Variants in SMC6 observed in about 807,000 individuals in gnomAD.
SMC6 encodes the protein structural maintenance of chromosomes 6.
Under a neutral mutation model 142.2 loss-of-function variants are expected in SMC6, and 79 were observed. The observed-to-expected ratio is 0.56, with a 90% CI of 0.46 to 0.67. The LOEUF (loss-of-function observed/expected upper bound fraction) is 0.67, where lower values mean the gene tolerates loss of function less well. SMC6 is among the 30% of genes least tolerant of loss of function. The pLI, the probability that SMC6 is intolerant of heterozygous loss-of-function variation, is 0.00. For synonymous variants in SMC6, 411 were observed against 412.4 expected (o/e 1.00, Z 0.04); for missense variants, 1,072 against 1,284.0 (o/e 0.83, Z 2.52).
At chr2:17,691,259 C>A (rs1667702490) in intron 23 of SMC6, among the ~76,000 whole-genome samples, 2 of 139,070 alleles carry the variant, frequency 1.4e-5, no homozygotes, top group Admixed American at 1.4e-4. Context: ...CACACACACA[C>A]ACCAGAATAC....
chr2:17,666,298 G>C, intron 27 of SMC6, 122 bp downstream of exon 27: 1 of 655,850 alleles, frequency 1.5e-6, no homozygotes, highest in South Asian at 2.2e-5. Context: ...GAACCAGTAG[G>C]GGAGCTAATT....
At chr2:17,685,887 T>C (rs1572264243) in intron 23 of SMC6, among the ~76,000 whole-genome samples, 1 of 151,958 alleles carries the variant, frequency 6.6e-6, no homozygotes, top group East Asian at 1.9e-4. Flanking sequence ...ATACTCCATA[T>C]ATATCTATAT....
chr2:17,729,702 T>A (rs1264211714), intron 7 of SMC6, among the ~76,000 whole-genome samples: 2 of 152,226 alleles, frequency 1.3e-5, no homozygotes, highest in Non-Finnish European at 2.9e-5. Flanking sequence ...TAGTCTGAAA[T>A]TTATTTGCTG....
chr2:17,721,162 G>A lies in SMC6; in HGVS notation c.826C>T (p.His276Tyr), dbSNP rs1237338507. 2.5e-6 allele frequency: 4 copies of A among 1,611,016 alleles called. No individual in the cohort carries two copies. The highest frequency in any genetic ancestry group is 3.4e-6 in the Non-Finnish European group (4 of 1,179,192). The change falls in exon 10 of 28, where the codon CAT becomes TAT. Residue 276 changes from histidine (H) to tyrosine (Y), a missense_variant. His to Tyr is a moderately conservative substitution (Grantham distance 83). This residue lies in a region of SMC6 where 994 missense variants were observed against 1,153.2 expected (regional missense o/e 0.86). Transcript: ENST00000448223. ...ATTACCACTGCCCAAGCCATTTCAT[G>A]TTTCAAGGACTCTAAATTAGTCTTC... Reference protein sequence around the residue: ...TMKTNLESLKHEMAWAVVNEI... With the variant: ...TMKTNLESLKYEMAWAVVNEI...
At chr2:17,707,404 T>G in intron 17 of SMC6, 25 bp from the exon 18 acceptor site, 3 of 1,397,852 alleles carry the variant, frequency 2.1e-6, no homozygotes, top group Non-Finnish European at 1.9e-6. Flanking sequence ...GAAAATAAAT[T>G]TTTTAAGACG....
intron 21 of SMC6, among the ~76,000 whole-genome samples, chr2:17,699,656 G>C (rs982178027): frequency 6.6e-6 from 1 of 151,864 alleles, no homozygotes; most frequent in African/African-American, 2.4e-5. Flanking sequence ...TTTTTCTTTA[G>C]TTTATTTTTT....
chr2:17,738,468 T>A, intron 4 of SMC6, 142 bp from the exon 5 acceptor site: 1 of 522,902 alleles, frequency 1.9e-6, no homozygotes. Flanking sequence ...TTTCTTCCCG[T>A]GCAAAGCAAC....
chr2:17,738,989 G>A (rs944595713), intron 4 of SMC6, among the ~76,000 whole-genome samples: 3 of 148,196 alleles, frequency 2.0e-5, no homozygotes, highest in African/African-American at 7.8e-5. Context: ...AGCTCCATGT[G>A]GACAGGAATA....
chr2:17,717,062 T>A, intron 13 of SMC6, 26 bp downstream of exon 13: 1 of 1,596,612 alleles, frequency 6.3e-7, no homozygotes, highest in Non-Finnish European at 8.5e-7. Flanking sequence ...GGGATAGCCA[T>A]GAAAATTTCA....
intron 24 of SMC6, chr2:17,681,002 T>G (rs969044030): frequency 1.3e-5 from 2 of 152,356 alleles, no homozygotes; most frequent in African/African-American, 4.8e-5. Context: ...TTGTCTGTGT[T>G]GAAAATCCAT....
In SMC6 at chr2:17,695,233, A is replaced by G. The variant is rs1667934284; in HGVS notation, c.2597T>C (p.Ile866Thr). The G allele has an allele frequency of 6.2e-7, 1 of 1,613,514 alleles. No individual in the cohort carries two copies. The highest frequency in any genetic ancestry group is 8.5e-7 in the Non-Finnish European group (1 of 1,179,830). The change falls in exon 23 of 28, where the codon ATT becomes ACT. Residue 866 changes from isoleucine (I) to threonine (T), a missense_variant. Around this residue, in one of 3 missense-constraint regions of SMC6, gnomAD observed 994 missense variants for 1,153.2 expected, o/e 0.86. Transcript: ENST00000448223. ...TAATCGATTAATTTCTTTGTCCAGA[A>G]TTGATGCAGATTTTTCTACTTCTAT... ...ERIEVEKSAS[I>T]LDKEINRLRQ...
chr2:17,732,158 A>G (rs1470666114), intron 5 of SMC6, among the ~76,000 whole-genome samples: 1 of 152,174 alleles, frequency 6.6e-6, no homozygotes, highest in Non-Finnish European at 1.5e-5. Context: ...AAAAACCATT[A>G]AGTTTCGGTT....
At chr2:17,693,167 G>A (rs1667811932) in intron 23 of SMC6, among the ~76,000 whole-genome samples, 1 of 152,130 alleles carries the variant, frequency 6.6e-6, no homozygotes, top group Non-Finnish European at 1.5e-5. Flanking sequence ...AAGGGATCTA[G>A]AAATACCATT....
At chr2:17,710,607 G>T (rs1440976491) in intron 16 of SMC6, among the ~76,000 whole-genome samples, 1 of 152,094 alleles carries the variant, frequency 6.6e-6, no homozygotes, top group Non-Finnish European at 1.5e-5. Context: ...AGAGAATTAG[G>T]AAAATGAGAA....
At chr2:17,731,218 T>C in intron 6 of SMC6, 79 bp from the exon 7 acceptor site, 1 of 931,246 alleles carries the variant, frequency 1.1e-6, no homozygotes, top group Non-Finnish European at 1.7e-6. Context: ...ACTTACAAAA[T>C]ATAAATATTA....
Position 17,700,245 on chromosome 2 carries a change from T to G in SMC6, c.2357A>C (p.Lys786Thr), listed in dbSNP as rs1180090789. 1 of 1,608,350 alleles carries G rather than the reference T, an allele frequency of 6.2e-7. No individual in the cohort carries two copies. The highest frequency in any genetic ancestry group is 8.5e-7 in the Non-Finnish European group (1 of 1,177,650). ...AENKYDAIKFKINQLSELADP... is the reference protein window; with the variant it reads ...AENKYDAIKFTINQLSELADP... ...TGCTAGCTCCGATAGTTGATTAATT[T>G]TGAATTTAATTGCATCATACTTATT... The change falls in exon 21 of 28, where the codon AAA becomes ACA. Residue 786 changes from lysine (K) to threonine (T), a missense_variant. Around this residue, in one of 3 missense-constraint regions of SMC6, gnomAD observed 994 missense variants for 1,153.2 expected, o/e 0.86. Coordinates refer to ENST00000448223, the MANE Select transcript of SMC6 (RefSeq NM_001142286.2).
At chr2:17,697,999 C>T (rs1041883246) in intron 21 of SMC6, among the ~76,000 whole-genome samples, 1 of 151,996 alleles carries the variant, frequency 6.6e-6, no homozygotes, top group Non-Finnish European at 1.5e-5. Context: ...CTGGATGAAA[C>T]TTGAAAACAT....
At chr2:17,683,544 A>G in intron 24 of SMC6, 94 bp downstream of exon 24, 1 of 1,138,102 alleles carries the variant, frequency 8.8e-7, no homozygotes, top group Non-Finnish European at 1.2e-6. Context: ...AGCAAGCATT[A>G]ATAGTCTCTG....
chr2:17,714,847 T>C lies in SMC6; in HGVS notation c.1730+14A>G. On this transcript the variant is annotated intron_variant, in intron 16 of 27. Coordinates refer to ENST00000448223, the MANE Select transcript of SMC6 (RefSeq NM_001142286.2). ...AAGCAAAGCCAGAAACATATTCAAT[T>C]ACTAATGCCTTACCTGTGTCTTACA... 2.5e-6 allele frequency: 4 copies of C among 1,608,038 alleles called. No individual in the cohort carries two copies. The Admixed American group carries it at 5.2e-5, about 21-fold the overall frequency.
Sources: allele counts gnomAD v4.1 joint callset (sites outside exome capture counted in the v4.1 genomes callset), GRCh38; gene constraint gnomAD v4.1.1; regional missense constraint gnomAD v4.1.1; transcripts MANE v1.5; gene names NCBI Gene and HGNC (gene_info 2026-07-23, HGNC 2026-07-21).